SCN3A: variants seen among roughly 807,000 people sequenced by gnomAD.
The protein encoded by SCN3A is sodium channel protein type 3 subunit alpha.
SCN3A carries 60 observed loss-of-function variants against 187.6 expected under a neutral mutation model. That is an observed-to-expected ratio of 0.32 (90% confidence interval 0.26 to 0.40). The LOEUF is 0.40. Among genes scored for constraint, SCN3A ranks in the 10% least tolerant of loss-of-function variants. The probability of loss-of-function intolerance (pLI) is 1.00; values close to 1 mark genes in which losing one functional copy is unlikely to be tolerated. For synonymous variants in SCN3A, 788 were observed against 829.2 expected (o/e 0.95, Z 0.85); for missense variants, 1,601 against 2,428.2 (o/e 0.66, Z 7.16).
rs142110647 is a variant in SCN3A, at chr2:165,197,888, A to G, written c.-248+5935T>C. 4.6e-3 allele frequency among the ~76,000 whole-genome samples: 704 copies of G among 152,058 alleles called. 9 individuals are homozygous for G. The highest frequency in any genetic ancestry group is 0.044 in the East Asian group (229 of 5,158). Reference sequence around the variant, plus strand: ...AGTAGAAACTAAGGCCATTGTCAAAAACGGATATTAAGGAAGGATTTATTT... The same window carrying G: ...AGTAGAAACTAAGGCCATTGTCAAAGACGGATATTAAGGAAGGATTTATTT... On this transcript the variant is annotated intron_variant, in intron 1 of 27. Transcript: ENST00000283254.
chr2:165,090,270 A>T lies in SCN3A; in HGVS notation c.5883T>A (p.Ser1961Arg). ...GNSTPEKTDG[S>R]SSTTSPPSYD... ...AGGAAGGAGGAGAGGTGGTAGAGGA[A>T]CTCCCATCTGTTTTTTCTGGAGTGG... Residue 1961 changes from serine to arginine, a missense_variant, in exon 28 of 28, where the codon AGT becomes AGA. Coordinates refer to ENST00000283254, the MANE Select transcript of SCN3A (RefSeq NM_006922.4). The surrounding 1 kb of genome is among the most constrained non-coding windows in gnomAD (Gnocchi z 4.0). 6.2e-7 allele frequency: 1 copy of T among 1,611,520 alleles called. No individual in the cohort carries two copies. Among genetic ancestry groups the T allele is most frequent in the Non-Finnish European group, 8.5e-7 (1 of 1,178,794 alleles).
In SCN3A at chr2:165,090,463, C is replaced by T. The variant is rs768691987; in HGVS notation, c.5690G>A (p.Arg1897His). 65 of 1,613,960 alleles carry T rather than the reference C, an allele frequency of 4.0e-5. No homozygotes were observed. The highest frequency in any genetic ancestry group is 8.9e-5 in the East Asian group (4 of 44,872). The change falls in exon 28 of 28, where the codon CGT becomes CAT. Residue 1897 changes from arginine to histidine, a missense_variant. Physicochemically the swap from Arg to His is conservative, Grantham distance 29. This residue lies in a region of SCN3A where 110 missense variants were observed against 175.9 expected (regional missense o/e 0.63). Transcript: ENST00000283254. The surrounding 1 kb of genome is among the most constrained non-coding windows in gnomAD (Gnocchi z 4.0). ...SYEPITTTLK[R>H]KQEEVSAAII... ...AGCGGCAGACACCTCCTCTTGTTTA[C>T]GTTTCAAAGTGGTTGTAATAGGCTC...
chr2:165,120,081 C>T (rs760992759), intron 18 of SCN3A, among the ~76,000 whole-genome samples: 7 of 152,072 alleles, frequency 4.6e-5, no homozygotes, highest in Non-Finnish European at 1.0e-4. Flanking sequence ...TCTACAAATG[C>T]ACGCTGAAAA....
chr2:165,126,456 TTTTC>T (rs752810821), intron 18 of SCN3A, among the ~76,000 whole-genome samples: 29 of 151,158 alleles, frequency 1.9e-4, no homozygotes, highest in Non-Finnish European at 3.0e-4. Context: ...TCTCTTTTTC[TTTTC>T]TTTCTCTTTC....
At chr2:165,166,739 T>A (rs1046715583) in intron 5 of SCN3A, among the ~76,000 whole-genome samples, 18 of 152,184 alleles carry the variant, frequency 1.2e-4, no homozygotes, top group Non-Finnish European at 2.2e-4. Flanking sequence ...CTGGCTTGCT[T>A]TCAAGCTACT....
At chr2:165,116,122 C>T (rs867878406) in intron 18 of SCN3A, among the ~76,000 whole-genome samples, 16 of 152,228 alleles carry the variant, frequency 1.1e-4, no homozygotes, top group Middle Eastern at 3.4e-3. Flanking sequence ...ACTTTGAGCT[C>T]TATTTTTCTC....
chr2:165,115,914 T>A (rs1212472173), intron 18 of SCN3A, among the ~76,000 whole-genome samples: 3 of 152,172 alleles, frequency 2.0e-5, no homozygotes, highest in Non-Finnish European at 4.4e-5. Context: ...CAAGAATAGT[T>A]GGATAAAGTG....
chr2:165,138,109 C>T lies in SCN3A; in HGVS notation c.2161G>A (p.Glu721Lys). The T allele has an allele frequency of 6.2e-7, 1 of 1,611,834 alleles. No homozygotes were observed. ...ILTNTMEELEESRQKCPPCWY... is the reference protein window; with the variant it reads ...ILTNTMEELEKSRQKCPPCWY... ...CATGGCGGACATTTCTGTCTAGATTCTTCAAGTTCTGGAGGGACAATAACA... is the reference window on the plus strand; with the variant it reads ...CATGGCGGACATTTCTGTCTAGATTTTTCAAGTTCTGGAGGGACAATAACA... Residue 721 changes from glutamate to lysine, a missense_variant, in exon 15 of 28, where the codon GAA becomes AAA. Glu to Lys is a moderately conservative substitution (Grantham distance 56). Coordinates refer to ENST00000283254, the MANE Select transcript of SCN3A (RefSeq NM_006922.4).
Position 165,140,925 on chromosome 2 carries a change from C to T in SCN3A, c.1745G>A (p.Gly582Asp), listed in dbSNP as rs1383342656. The T allele has an allele frequency of 6.2e-7, 1 of 1,613,882 alleles. No homozygotes were observed. Among genetic ancestry groups the T allele is most frequent in the Non-Finnish European group, 8.5e-7 (1 of 1,179,992 alleles). The change falls in exon 13 of 28, where the codon GGT (glycine) becomes GAT (aspartate). Residue 582 changes from glycine (G) to aspartate (D), a missense_variant. Gly to Asp is a moderately conservative substitution (Grantham distance 94). This residue lies in a region of SCN3A where 376 missense variants were observed against 476.0 expected (regional missense o/e 0.79). Coordinates refer to ENST00000283254, the MANE Select transcript of SCN3A (RefSeq NM_006922.4). This position sits in a 1 kb window ranked among gnomAD's most constrained non-coding sequence, Gnocchi z 4.2. ...TTCAGATCCAACATCCTTTGCCCGA[C>T]CTCTGAAACTGAAAATGCTTGTTTT... ...NSKTSIFSFR[G>D]RAKDVGSEND...
At chr2:165,112,667 C>A (rs1382252254) in intron 21 of SCN3A, among the ~76,000 whole-genome samples, 4 of 152,132 alleles carry the variant, frequency 2.6e-5, no homozygotes, top group African/African-American at 9.7e-5. Flanking sequence ...TGGTAAAGAA[C>A]AATTCTCCCT....
chr2:165,140,688 G>T lies in SCN3A; in HGVS notation c.1982C>A (p.Ser661Ter). The change falls in exon 13 of 28, where the codon TCA becomes TAA. Residue 661 changes from serine to a stop codon, truncating the protein, a stop_gained. Transcript: ENST00000283254. LOFTEE classifies it high-confidence loss of function. The surrounding 1 kb of genome is among the most constrained non-coding windows in gnomAD (Gnocchi z 4.2). Reference protein sequence around the residue: ...NGVVSLVGGPSALTSPTGQLP... With the variant: ...NGVVSLVGGP Reference sequence around the variant, plus strand: ...TTGTCCAGTAGGTGACGTTAGAGCTGAAGGTCCACCCACCAAGGAAACCAC... The same window carrying T: ...TTGTCCAGTAGGTGACGTTAGAGCTTAAGGTCCACCCACCAAGGAAACCAC... The T allele has an allele frequency of 6.2e-7, 1 of 1,614,038 alleles. No individual in the cohort carries two copies. Among genetic ancestry groups the T allele is most frequent in the Non-Finnish European group, 8.5e-7 (1 of 1,179,974 alleles).
rs1165111163 is a variant in SCN3A at position 165,096,941 on chromosome 2, T to G, written c.4239+311A>C. Reference sequence around the variant, plus strand: ...AAATATGCATTGTTATTTTAGTACCTAAAGTTGCTCCTTTGGCAATAATTG... The same window carrying G: ...AAATATGCATTGTTATTTTAGTACCGAAAGTTGCTCCTTTGGCAATAATTG... On this transcript the variant is annotated intron_variant, in intron 23 of 27. Coordinates refer to ENST00000283254, the MANE Select transcript of SCN3A (RefSeq NM_006922.4). Among the ~76,000 whole-genome samples the G allele has an allele frequency of 2.0e-5, 3 of 152,134 alleles. No homozygotes were observed. The East Asian group carries it at 5.8e-4, about 29-fold the overall frequency.
chr2:165,161,129 C>CT (rs1689346128), intron 9 of SCN3A, among the ~76,000 whole-genome samples: 1 of 94,032 alleles, frequency 1.1e-5, no homozygotes, highest in African/African-American at 3.8e-5. Flanking sequence ...TCTTTTTTTT[C>CT]TTTCTTTCTT....
At position 165,176,363 on chromosome 2, in the gene SCN3A, G is replaced by T; in HGVS notation, c.32C>A (p.Pro11His). ...TCTAGTAAAAAGGCGGAAGCTTTCA[G>T]GTCCTGGGGGTACCAACAGTGCCTG... MAQALLVPPG[P>H]ESFRLFTRES... is the part of the protein sequence containing the mutation. The change falls in exon 3 of 28, where the codon CCT becomes CAT. Residue 11 changes from proline (P) to histidine (H), a missense_variant. Around this residue, in one of 11 missense-constraint regions of SCN3A, gnomAD observed 74 missense variants for 77.7 expected, o/e 0.95. Transcript: ENST00000283254. The T allele has an allele frequency of 6.2e-7, 1 of 1,614,044 alleles. No individual in the cohort carries two copies. The highest frequency in any genetic ancestry group is 8.5e-7 in the Non-Finnish European group (1 of 1,179,978).
At chr2:165,191,060 G>GTTT (rs58901959) in intron 1 of SCN3A, among the ~76,000 whole-genome samples, 60 of 113,514 alleles carry the variant, frequency 5.3e-4, no homozygotes, top group Non-Finnish European at 7.8e-4. Context: ...ATTTTACGTT[G>GTTT]TTTTTTTTTT....
intron 21 of SCN3A, 106 bp downstream of exon 21, chr2:165,112,779 G>A: frequency 1.0e-6 from 1 of 987,018 alleles, no homozygotes; most frequent in East Asian, 2.4e-5. Context: ...TTAAATAACT[G>A]CATAATTATG....
rs527533835 is a variant in SCN3A at position 165,184,233 on chromosome 2, T to C, written c.-51+2318A>G. ...AGGCAGAATTAAATACTATTTTCTA[T>C]AATTTCAATAGTTTTGAAATAACAC... is the stretch of plus-strand genomic sequence containing the variant. On this transcript the variant is annotated intron_variant, in intron 2 of 27. Coordinates refer to ENST00000283254, the MANE Select transcript of SCN3A (RefSeq NM_006922.4). Among the ~76,000 whole-genome samples, 34 of 152,236 alleles carry C rather than the reference T, an allele frequency of 2.2e-4. No homozygotes were observed. The Middle Eastern group carries it at 0.017, about 76-fold the overall frequency.
intron 9 of SCN3A, among the ~76,000 whole-genome samples, 173 bp downstream of exon 9, chr2:165,162,135 G>A (rs1689434936): frequency 6.6e-6 from 1 of 152,180 alleles, no homozygotes; most frequent in Non-Finnish European, 1.5e-5. Flanking sequence ...ATTGCTGTGA[G>A]TTTAGGACCA....
At chr2:165,096,585 G>T in intron 23 of SCN3A, 65 bp from the exon 24 acceptor site, 2 of 1,134,982 alleles carry the variant, frequency 1.8e-6, no homozygotes, top group South Asian at 1.3e-5. Flanking sequence ...TTAACCAGAT[G>T]AAAATCTGAC....
Sources: allele counts gnomAD v4.1 joint callset (sites outside exome capture counted in the v4.1 genomes callset), GRCh38; gene constraint gnomAD v4.1.1; regional missense constraint gnomAD v4.1.1; non-coding constraint Gnocchi (gnomAD v3.1); transcripts MANE v1.5; gene names NCBI Gene and HGNC (gene_info 2026-07-23, HGNC 2026-07-21).